MACROD2: variants seen among roughly 807,000 people sequenced by gnomAD.
MACROD2 encodes the protein ADP-ribose glycohydrolase MACROD2.
MACROD2 carries 36 observed loss-of-function variants against 70.4 expected under a neutral mutation model. The ratio of observed to expected loss-of-function variants is 0.51; its 90% confidence interval spans 0.39 to 0.68. MACROD2 has a LOEUF of 0.68. Among genes scored for constraint, MACROD2 ranks in the 30% least tolerant of loss-of-function variants. MACROD2 has a pLI of 0.00. For synonymous variants in MACROD2, 172 were observed against 178.8 expected (o/e 0.96, Z 0.30); for missense variants, 496 against 538.4 (o/e 0.92, Z 0.78).
intron 5 of MACROD2, among the ~76,000 whole-genome samples, chr20:15,087,663 G>A (rs2075758862): frequency 6.6e-6 from 1 of 151,864 alleles, no homozygotes; most frequent in African/African-American, 2.4e-5. Context: ...GACTTATTAA[G>A]AAAGACATTG....
intron 3 of MACROD2, among the ~76,000 whole-genome samples, chr20:14,398,172 C>T (rs2083600585): frequency 6.6e-6 from 1 of 152,130 alleles, no homozygotes; most frequent in South Asian, 2.1e-4. Context: ...AGATGAATTA[C>T]GTATCTTAGC....
At chr20:15,004,116 A>G (rs1389062078) in intron 5 of MACROD2, among the ~76,000 whole-genome samples, 1 of 152,172 alleles carries the variant, frequency 6.6e-6, no homozygotes, top group Non-Finnish European at 1.5e-5. Context: ...GGAGCTTTGG[A>G]CAAGAATGGT....
At chr20:14,539,488 A>G (rs963337615) in intron 4 of MACROD2, among the ~76,000 whole-genome samples, 3 of 152,078 alleles carry the variant, frequency 2.0e-5, no homozygotes, top group African/African-American at 7.2e-5. Context: ...ATTGGATTTG[A>G]CCATTTAGGG....
chr20:15,641,468 C>T (rs562735242), intron 8 of MACROD2, among the ~76,000 whole-genome samples: 4 of 152,246 alleles, frequency 2.6e-5, no homozygotes, highest in African/African-American at 7.2e-5. Context: ...CTGGAGAATC[C>T]GTGGTCTTCT....
intron 5 of MACROD2, among the ~76,000 whole-genome samples, chr20:14,759,314 A>T (rs1249295613): frequency 1.3e-5 from 2 of 152,124 alleles, no homozygotes; most frequent in African/African-American, 4.8e-5. Context: ...GAAAAATTTT[A>T]AAGAGTATTT....
Position 14,981,879 on chromosome 20 carries a change from G to A in MACROD2, c.419-248061G>A, listed in dbSNP as rs915029153. Among the ~76,000 whole-genome samples, 14 of 115,236 alleles carry A rather than the reference G, an allele frequency of 1.2e-4. No homozygotes were observed. In the East Asian group the frequency reaches 3.3e-3, roughly 27 times the overall value. The allele number at this position is 115,236 out of a possible 152,430, so 75.6% of individuals were successfully genotyped here. A position where few individuals can be genotyped will look rare whatever the true frequency, so the allele number is the denominator to read the frequency against. On this transcript the variant is annotated intron_variant, in intron 5 of 17. Transcript: ENST00000684519. Reference sequence around the variant, plus strand: ...GTAGGGTGTTGCTGAAAAGATACCTGAAAATTTGGAAGTGACTTTGTAACT... The same window carrying A: ...GTAGGGTGTTGCTGAAAAGATACCTAAAAATTTGGAAGTGACTTTGTAACT...
chr20:15,508,958 C>G (rs2047463734), intron 8 of MACROD2, among the ~76,000 whole-genome samples: 1 of 152,106 alleles, frequency 6.6e-6, no homozygotes, highest in African/African-American at 2.4e-5. Context: ...GCAATGGCCA[C>G]CCATTTTAAG....
intron 3 of MACROD2, among the ~76,000 whole-genome samples, chr20:14,296,216 C>T (rs2082426793): frequency 6.6e-6 from 1 of 151,794 alleles, no homozygotes; most frequent in Admixed American, 6.6e-5. Context: ...ACTTAGGATA[C>T]AATGACCTTG....
chr20:14,104,561 A>G (rs2054343569), intron 3 of MACROD2, among the ~76,000 whole-genome samples: 1 of 152,202 alleles, frequency 6.6e-6, no homozygotes, highest in Non-Finnish European at 1.5e-5. Flanking sequence ...GTCTATGGCT[A>G]TGGCTTTGGT....
chr20:15,375,086 C>G (rs2045544558), intron 6 of MACROD2, among the ~76,000 whole-genome samples: 1 of 152,192 alleles, frequency 6.6e-6, no homozygotes, highest in African/African-American at 2.4e-5. Flanking sequence ...TGCCAGTCTT[C>G]TGTTATTCAA....
intron 5 of MACROD2, among the ~76,000 whole-genome samples, chr20:14,852,153 G>A (rs1212426001): frequency 6.6e-6 from 1 of 152,054 alleles, no homozygotes; most frequent in African/African-American, 2.4e-5. Context: ...GGAGGAGGAA[G>A]CGCAGGAGCC....
intron 3 of MACROD2, among the ~76,000 whole-genome samples, chr20:14,282,627 A>G (rs533341104): frequency 1.3e-5 from 2 of 152,316 alleles, no homozygotes; most frequent in South Asian, 2.1e-4. Flanking sequence ...AAGAGGTTTA[A>G]TTGGCTCATG....
At chr20:15,834,652 TTCTA>T (rs965805607) in intron 8 of MACROD2, among the ~76,000 whole-genome samples, 61 of 152,344 alleles carry the variant, frequency 4.0e-4, no homozygotes, top group African/African-American at 1.4e-3. Flanking sequence ...ATGGTTATTA[TTCTA>T]TCTAACCATC....
At chr20:14,111,384 C>T (rs1483365515) in intron 3 of MACROD2, among the ~76,000 whole-genome samples, 1 of 151,986 alleles carries the variant, frequency 6.6e-6, no homozygotes, top group African/African-American at 2.4e-5. Context: ...AGTTAAAAAG[C>T]TTCTGCACAG....
intron 5 of MACROD2, among the ~76,000 whole-genome samples, chr20:14,697,797 G>A (rs1200221179): frequency 6.6e-6 from 1 of 152,074 alleles, no homozygotes; most frequent in African/African-American, 2.4e-5. Flanking sequence ...TGGAGCTTTC[G>A]GTAGAGTCAC....
In MACROD2 at chr20:14,548,500, C is replaced by T. The variant is rs1456222355; in HGVS notation, c.301+54992C>T. Among the ~76,000 whole-genome samples the T allele has an allele frequency of 2.0e-4, 3 of 15,148 alleles. 1 individual carries two copies. Among genetic ancestry groups the T allele is most frequent in the South Asian group, 0.011 (2 of 180 alleles). 9.9% of individuals were successfully genotyped at this position (15,148 alleles called of 152,430 possible). A position where few individuals can be genotyped will look rare whatever the true frequency, so the allele number is the denominator to read the frequency against. ...TTGGGAGGCTGAGGCGGGCGGATCACGAGGTCAGGAGATCGAGACCATCCC... is the reference window on the plus strand; with the variant it reads ...TTGGGAGGCTGAGGCGGGCGGATCATGAGGTCAGGAGATCGAGACCATCCC... On this transcript the variant is annotated intron_variant, in intron 4 of 17. Transcript: ENST00000684519.
At chr20:14,344,859 A>C (rs1001197310) in intron 3 of MACROD2, among the ~76,000 whole-genome samples, 10 of 152,236 alleles carry the variant, frequency 6.6e-5, no homozygotes, top group African/African-American at 2.4e-4. Context: ...GAAGCAACAC[A>C]CAACTGTTTG....
chr20:15,997,956 A>G (rs1347732372), intron 15 of MACROD2, among the ~76,000 whole-genome samples: 1 of 152,178 alleles, frequency 6.6e-6, no homozygotes, highest in Non-Finnish European at 1.5e-5. Context: ...TCAGATGATC[A>G]TAAGATTTTC....
chr20:14,058,208 A>G (rs945940643), intron 2 of MACROD2, among the ~76,000 whole-genome samples: 1 of 152,110 alleles, frequency 6.6e-6, no homozygotes, highest in Non-Finnish European at 1.5e-5. Context: ...GCATATATGT[A>G]TGCTTCAATA....
Sources: gnomAD v4.1 joint callset for allele counts (sites outside exome capture counted in the v4.1 genomes callset) on GRCh38, gnomAD v4.1.1 for gene constraint, MANE v1.5 for transcripts, NCBI Gene and HGNC (gene_info 2026-07-23, HGNC 2026-07-21) for gene names.